The following METTL24 variants were observed in gnomAD, a reference collection of about 807,000 sequenced individuals.
METTL24 encodes the protein probable methyltransferase-like protein 24.
METTL24 carries 29 observed loss-of-function variants against 32.7 expected under a neutral mutation model. The observed-to-expected ratio is 0.89, with a 90% CI of 0.66 to 1.21. The LOEUF is 1.21. Ranked by LOEUF, METTL24 falls within the 50% of genes most tolerant of loss-of-function variation. METTL24 has a pLI of 0.00. For missense variants in METTL24, 439 were observed against 468.1 expected, an observed-to-expected ratio of 0.94 and a Z score of 0.57; for synonymous variants, 163 against 179.5, an observed-to-expected ratio of 0.91 and a Z score of 0.73.
chr6:110,341,487 C>T (rs1274241777), intron 1 of METTL24, among the ~76,000 whole-genome samples: 1 of 152,156 alleles, frequency 6.6e-6, no homozygotes, highest in East Asian at 1.9e-4. Context: ...AAAGGACATG[C>T]CCTATCCTAA....
intron 4 of METTL24, among the ~76,000 whole-genome samples, chr6:110,267,691 A>G (rs1770881416): frequency 6.6e-6 from 1 of 152,214 alleles, no homozygotes; most frequent in South Asian, 2.1e-4. Flanking sequence ...GCATTGCTAT[A>G]AAGAAATACT....
chr6:110,309,871 C>T (rs55983905), intron 3 of METTL24, among the ~76,000 whole-genome samples: 3 of 148,870 alleles, frequency 2.0e-5, no homozygotes, highest in Non-Finnish European at 4.5e-5. Context: ...GCAAAAAAAA[C>T]AAAACAAAAC....
At chr6:110,246,349 A>G (rs1778160901) in intron 4 of METTL24, 89 bp from the exon 5 acceptor site, 4 of 1,226,670 alleles carry the variant, frequency 3.3e-6, no homozygotes, top group Non-Finnish European at 4.5e-6. Flanking sequence ...TCTGAAGGAA[A>G]CAGAATTTTT....
intron 1 of METTL24, among the ~76,000 whole-genome samples, chr6:110,334,836 G>A (rs1218257568): frequency 6.6e-6 from 1 of 152,164 alleles, no homozygotes; most frequent in East Asian, 1.9e-4. Context: ...ATTTGACAAT[G>A]ATACAGTATT....
chr6:110,314,040 T>C (rs1771771470), intron 3 of METTL24, among the ~76,000 whole-genome samples: 1 of 152,160 alleles, frequency 6.6e-6, no homozygotes, highest in East Asian at 1.9e-4. Context: ...GTGATGATGA[T>C]CCTCTCTACA....
chr6:110,353,216 A>G (rs1330371952), intron 1 of METTL24, among the ~76,000 whole-genome samples: 2 of 152,224 alleles, frequency 1.3e-5, no homozygotes, highest in Non-Finnish European at 2.9e-5. Context: ...ACTTTGTTTA[A>G]AATGAAAATG....
intron 4 of METTL24, among the ~76,000 whole-genome samples, chr6:110,251,858 A>C (rs1453939011): frequency 6.6e-6 from 1 of 152,030 alleles, no homozygotes; most frequent in Non-Finnish European, 1.5e-5. Flanking sequence ...ATACTGCTTC[A>C]TTGGGCCAGG....
intron 4 of METTL24, among the ~76,000 whole-genome samples, chr6:110,250,608 A>G (rs1339528963): frequency 6.6e-6 from 1 of 152,062 alleles, no homozygotes; most frequent in Non-Finnish European, 1.5e-5. Flanking sequence ...TTAGGAGCCA[A>G]TTCCCAGGGC....
Position 110,245,799 on chromosome 6 carries a change from A to G in METTL24, c.*147T>C. On this transcript the variant is annotated 3_prime_UTR_variant, in exon 5 of 5. Transcript: ENST00000338882. ...GACTGTGCCCCATCACATGCCAAGC[A>G]CTAGGCTGCATGCCCGCAATAACAC... The G allele has an allele frequency of 1.4e-6, 1 of 728,830 alleles. No individual in the cohort carries two copies. Among genetic ancestry groups the G allele is most frequent in the Non-Finnish European group, 2.3e-6 (1 of 435,962 alleles). 45.1% of individuals were successfully genotyped at this position (728,830 alleles called of 1,614,324 possible). A position where few individuals can be genotyped will look rare whatever the true frequency, so the allele number is the denominator to read the frequency against.
At chr6:110,313,329 A>G (rs1324136400) in intron 3 of METTL24, among the ~76,000 whole-genome samples, 1 of 152,162 alleles carries the variant, frequency 6.6e-6, no homozygotes, top group Non-Finnish European at 1.5e-5. Flanking sequence ...GTAACAAAAT[A>G]TCACATGTAC....
intron 4 of METTL24, among the ~76,000 whole-genome samples, chr6:110,256,707 G>A (rs1305933192): frequency 1.3e-5 from 2 of 152,220 alleles, no homozygotes; most frequent in Admixed American, 1.3e-4. Flanking sequence ...AGGGTTGGGA[G>A]TTAGGAATAA....
At chr6:110,285,777 G>C (rs755972748) in intron 4 of METTL24, among the ~76,000 whole-genome samples, 22 of 152,140 alleles carry the variant, frequency 1.4e-4, no homozygotes, top group Non-Finnish European at 1.5e-5. Context: ...TAACTACATG[G>C]GCTTACAGCC....
intron 4 of METTL24, among the ~76,000 whole-genome samples, chr6:110,291,318 T>C (rs984036791): frequency 6.6e-6 from 1 of 152,238 alleles, no homozygotes; most frequent in African/African-American, 2.4e-5. Context: ...AGAAGTTTTA[T>C]AATTTTAGCT....
chr6:110,318,651 CA>C (rs56890760), intron 2 of METTL24, among the ~76,000 whole-genome samples: 25,599 of 90,150 alleles, frequency 0.28, 2,083 homozygotes, highest in Middle Eastern at 0.37. Context: ...GACTCTACCT[CA>C]AAAAAAAAAA....
At chr6:110,286,637 C>G (rs796144170) in intron 4 of METTL24, among the ~76,000 whole-genome samples, 17 of 152,288 alleles carry the variant, frequency 1.1e-4, no homozygotes, top group African/African-American at 4.1e-4. Flanking sequence ...GAAGGTAGAA[C>G]ACCTCAAAGA....
intron 4 of METTL24, among the ~76,000 whole-genome samples, chr6:110,295,010 TTTC>T (rs1318116009): frequency 1.2e-4 from 17 of 141,204 alleles, no homozygotes; most frequent in African/African-American, 4.0e-4. Flanking sequence ...TTTTTCTTTC[TTTC>T]TTTTTTTTTT....
intron 3 of METTL24, 61 bp from the exon 4 acceptor site, chr6:110,299,211 A>C (rs1307392069): frequency 6.8e-7 from 1 of 1,480,922 alleles, no homozygotes; most frequent in Non-Finnish European, 9.3e-7. Flanking sequence ...GTGTTGGACT[A>C]ACAAGATGAC....
intron 4 of METTL24, among the ~76,000 whole-genome samples, chr6:110,251,743 A>C (rs1778282763): frequency 6.6e-6 from 1 of 152,136 alleles, no homozygotes. Flanking sequence ...AAGGGGAGTA[A>C]ACGGGCAAAC....
chr6:110,322,421 G>A (rs1006397639), intron 2 of METTL24, among the ~76,000 whole-genome samples: 1 of 152,196 alleles, frequency 6.6e-6, no homozygotes, highest in Admixed American at 6.5e-5. Context: ...ACCTCTAGAT[G>A]ATGGTTTTGT....
Sources: allele counts gnomAD v4.1 joint callset (sites outside exome capture counted in the v4.1 genomes callset), GRCh38; gene constraint gnomAD v4.1.1; transcripts MANE v1.5; gene names NCBI Gene and HGNC (gene_info 2026-07-23, HGNC 2026-07-21).